SIPA1L3: variants seen among roughly 807,000 people sequenced by gnomAD.
SIPA1L3 encodes signal induced proliferation associated 1 like 3, also known as signal-induced proliferation-associated 1-like protein 3.
A neutral mutation model predicts 150.1 loss-of-function variants in SIPA1L3; 59 were observed. The ratio of observed to expected loss-of-function variants is 0.39; its 90% confidence interval spans 0.32 to 0.49. The LOEUF (loss-of-function observed/expected upper bound fraction) is 0.49. Ranked by LOEUF, SIPA1L3 falls within the 20% of genes least tolerant of loss-of-function variation. SIPA1L3 has a pLI of 0.86. For synonymous variants in SIPA1L3, 1,070 were observed against 1,077.6 expected, an observed-to-expected ratio of 0.99 and a Z score of 0.14; for missense variants, 2,211 against 2,489.5, an observed-to-expected ratio of 0.89 and a Z score of 2.38.
intron 1 of SIPA1L3, among the ~76,000 whole-genome samples, chr19:38,016,916 A>G (rs999435320): frequency 6.5e-5 from 2 of 30,818 alleles, no homozygotes; most frequent in Non-Finnish European, 1.2e-4. Flanking sequence ...TTTTTTTTTG[A>G]GACTGAGTCT....
At chr19:38,005,806 G>A (rs576180017) in intron 1 of SIPA1L3, among the ~76,000 whole-genome samples, 1 of 152,362 alleles carries the variant, frequency 6.6e-6, no homozygotes, top group Non-Finnish European at 1.5e-5. Flanking sequence ...CTGGCACTGT[G>A]GGAGGCTGAG....
chr19:37,924,784 C>T (rs145504490), intron 1 of SIPA1L3, among the ~76,000 whole-genome samples: 3,303 of 151,934 alleles, frequency 0.022, 128 homozygotes, highest in African/African-American at 0.075. Context: ...TGTGGTGGCT[C>T]ACGCCTGTAA....
intron 1 of SIPA1L3, among the ~76,000 whole-genome samples, chr19:37,979,057 T>A (rs1237596339): frequency 6.6e-6 from 1 of 151,954 alleles, no homozygotes; most frequent in Admixed American, 6.6e-5. Flanking sequence ...TTCTCACATC[T>A]CCTTTCAGAA....
At chr19:38,155,602 A>T (rs1046628762) in intron 13 of SIPA1L3, among the ~76,000 whole-genome samples, 2 of 152,174 alleles carry the variant, frequency 1.3e-5, no homozygotes, top group Non-Finnish European at 2.9e-5. Flanking sequence ...CAAATGAGCA[A>T]TGTTAGAAAG....
chr19:37,941,095 C>CACACACACAT (rs1174821816), intron 1 of SIPA1L3, among the ~76,000 whole-genome samples: 1 of 146,978 alleles, frequency 6.8e-6, no homozygotes, highest in Admixed American at 7.3e-5. Flanking sequence ...CATACACACA[C>CACACACACAT]ACACACACAC....
At chr19:37,930,776 G>A (rs1387196758) in intron 1 of SIPA1L3, among the ~76,000 whole-genome samples, 1 of 152,066 alleles carries the variant, frequency 6.6e-6, no homozygotes, top group Admixed American at 6.6e-5. Flanking sequence ...TGTCCTCCTA[G>A]GTTGTTGGGA....
chr19:38,085,691 A>C (rs971011586), intron 3 of SIPA1L3, among the ~76,000 whole-genome samples: 1 of 152,144 alleles, frequency 6.6e-6, no homozygotes, highest in Non-Finnish European at 1.5e-5. Flanking sequence ...GGGTACCTAG[A>C]TTTAAAAAAT....
chr19:38,030,390 T>A (rs1406989262), intron 2 of SIPA1L3, among the ~76,000 whole-genome samples: 1 of 151,988 alleles, frequency 6.6e-6, no homozygotes, highest in East Asian at 1.9e-4. Flanking sequence ...AGTGAGACCC[T>A]GTCTCTACAA....
intron 1 of SIPA1L3, among the ~76,000 whole-genome samples, chr19:37,948,381 A>T (rs2145545123): frequency 6.6e-6 from 1 of 151,850 alleles, no homozygotes; most frequent in South Asian, 2.1e-4. Flanking sequence ...TGGGAGGATC[A>T]CCTGAGCCTG....
intron 1 of SIPA1L3, among the ~76,000 whole-genome samples, chr19:37,931,473 G>A (rs973475083): frequency 1.3e-5 from 2 of 150,384 alleles, no homozygotes; most frequent in African/African-American, 4.9e-5. Flanking sequence ...AAGGCCGGCC[G>A]CGGTGGCTCA....
rs573938334 is a variant in SIPA1L3 at position 37,941,452 on chromosome 19, G to GT, written c.-379+34112dup. 1.0e-2 allele frequency among the ~76,000 whole-genome samples: 1,155 copies of GT among 115,642 alleles called. 7 individuals are homozygous for GT. Among genetic ancestry groups the GT allele is most frequent in the African/African-American group, 0.015 (479 of 32,436 alleles). 75.9% of individuals were successfully genotyped at this position (115,642 alleles called of 152,430 possible). On this transcript the variant is annotated intron_variant, in intron 1 of 21. Transcript: ENST00000222345. The stretch of plus-strand genomic sequence containing the variant: ...GCTGGTGGTTTCTAATCTGTTGTGT[G>GT]TTTTTTTTTTTTTTTTTTCCTGCAG...
chr19:38,154,864 C>T (rs568247655), intron 13 of SIPA1L3, among the ~76,000 whole-genome samples: 19 of 151,184 alleles, frequency 1.3e-4, no homozygotes, highest in Middle Eastern at 6.8e-3. Flanking sequence ...CAGGCTCAAG[C>T]GATTCTCCTG....
chr19:38,125,705 C>G (rs1971155717), intron 9 of SIPA1L3, among the ~76,000 whole-genome samples: 1 of 152,162 alleles, frequency 6.6e-6, no homozygotes, highest in Admixed American at 6.6e-5. Context: ...CCACACTCTC[C>G]CCGGCAGGCT....
chr19:37,923,092 G>A (rs938298624), intron 1 of SIPA1L3, among the ~76,000 whole-genome samples: 9 of 151,176 alleles, frequency 6.0e-5, no homozygotes, highest in African/African-American at 2.2e-4. Flanking sequence ...AGCCGAGATC[G>A]CGCCACTGCA....
chr19:38,182,511 C>T lies in SIPA1L3; in HGVS notation c.4209-8C>T, dbSNP rs2146024139. 4 of 1,582,378 alleles carry T rather than the reference C, an allele frequency of 2.5e-6. No homozygotes were observed. In the East Asian group the frequency reaches 6.8e-5, roughly 27 times the overall value. ...GTTTTTTTTATCTCTTTCATTTTTG[C>T]TTTGCAGTGACATGGGCTCGAGGGT... On this transcript the variant is annotated splice_polypyrimidine_tract_variant and splice_region_variant and intron_variant, in intron 15 of 21. Transcript: ENST00000222345.
chr19:37,949,365 C>A (rs2046741054), intron 1 of SIPA1L3, among the ~76,000 whole-genome samples: 1 of 152,134 alleles, frequency 6.6e-6, no homozygotes, highest in African/African-American at 2.4e-5. Context: ...GCACAGTTTT[C>A]ATTCAAAGGG....
At chr19:38,125,129 G>A (rs376227758) in intron 9 of SIPA1L3, among the ~76,000 whole-genome samples, 2 of 152,076 alleles carry the variant, frequency 1.3e-5, no homozygotes, top group East Asian at 1.9e-4. Context: ...TCCACCTCCC[G>A]GGTTCAAGCA....
intron 1 of SIPA1L3, among the ~76,000 whole-genome samples, chr19:37,932,082 A>G (rs2046559356): frequency 6.6e-6 from 1 of 152,196 alleles, no homozygotes; most frequent in Non-Finnish European, 1.5e-5. Context: ...GACCGTGTTT[A>G]ATCATTAAGC....
chr19:37,978,028 T>C (rs1244123816), intron 1 of SIPA1L3, among the ~76,000 whole-genome samples: 2 of 152,242 alleles, frequency 1.3e-5, no homozygotes, highest in Non-Finnish European at 2.9e-5. Context: ...AGGATGAGGT[T>C]CAGAGGGGTG....
Sources: allele counts gnomAD v4.1 joint callset (sites outside exome capture counted in the v4.1 genomes callset), GRCh38; gene constraint gnomAD v4.1.1; transcripts MANE v1.5; gene names NCBI Gene and HGNC (gene_info 2026-07-23, HGNC 2026-07-21).